Variants in ADGRE3 observed in about 807,000 individuals in gnomAD.
ADGRE3 encodes the protein EGF-like module receptor 3.
Under a neutral mutation model 80.1 loss-of-function variants are expected in ADGRE3, and 88 were observed. That is an observed-to-expected ratio of 1.10 (90% CI 0.93 to 1.31). The LOEUF is 1.31. Ranked by LOEUF, ADGRE3 falls within the 40% of genes most tolerant of loss-of-function variation. ADGRE3 has a pLI of 0.00. For missense variants in ADGRE3, 715 were observed against 776.5 expected, an observed-to-expected ratio of 0.92 and a Z score of 0.94; for synonymous variants, 281 against 294.8, an observed-to-expected ratio of 0.95 and a Z score of 0.48.
At chr19:14,620,540 T>TG (rs1568471393) in intron 15 of ADGRE3, among the ~76,000 whole-genome samples, 32 of 16,180 alleles carry the variant, frequency 2.0e-3, no homozygotes, top group African/African-American at 2.9e-3. Flanking sequence ...ATATATTTTA[T>TG]ATATATATTA....
At position 14,673,266 on chromosome 19, in the gene ADGRE3, C is replaced by T. The variant is rs529307882; in HGVS notation, c.25+1480G>A. ...AAATTCACAGAACCTCTCTATGATGCAATTTCTTATCTGTAATGTGCAGAT... is the reference window on the plus strand; with the variant it reads ...AAATTCACAGAACCTCTCTATGATGTAATTTCTTATCTGTAATGTGCAGAT... On this transcript the variant is annotated intron_variant, in intron 1 of 15. Coordinates refer to ENST00000253673, the MANE Select transcript of ADGRE3 (RefSeq NM_032571.5). 3.9e-4 allele frequency among the ~76,000 whole-genome samples: 59 copies of T among 152,326 alleles called. 1 individual carries two copies. The highest frequency in any genetic ancestry group is 1.4e-3 in the African/African-American group (57 of 41,568).
chr19:14,638,907 A>G (rs1378627734), intron 10 of ADGRE3, among the ~76,000 whole-genome samples: 1 of 152,050 alleles, frequency 6.6e-6, no homozygotes, highest in East Asian at 1.9e-4. Context: ...ATTTTGTTCT[A>G]TTTTATTTCT....
the ADGRE3 span, among the ~76,000 whole-genome samples, chr19:14,604,366 A>AT: frequency 1.3e-5 from 2 of 150,960 alleles, no homozygotes; most frequent in African/African-American, 4.9e-5. Context: ...ACCTCCCCAC[A>AT]TTTTTTTTTC....
In ADGRE3 at chr19:14,668,668, A is replaced by G. The variant is rs1972169795; in HGVS notation, c.76+134T>C. On this transcript the variant is annotated intron_variant, in intron 2 of 15. Coordinates refer to ENST00000253673, the MANE Select transcript of ADGRE3 (RefSeq NM_032571.5). ...TAATGATAAATTAAGCAAACAAATA[A>G]TGAAACACAGGAGCAAGCCTTCCCA... 7 of 613,720 alleles carry G rather than the reference A, an allele frequency of 1.1e-5. No individual in the cohort carries two copies. In the East Asian group the frequency reaches 1.9e-4, roughly 17 times the overall value. 38.0% of individuals were successfully genotyped at this position (613,720 alleles called of 1,614,324 possible).
the ADGRE3 span, among the ~76,000 whole-genome samples, chr19:14,603,634 A>AT: frequency 0.013 from 1,869 of 145,944 alleles, 33 homozygotes; most frequent in African/African-American, 0.043. Flanking sequence ...TAAGTTTTGT[A>AT]TTTTTTTTTT....
chr19:14,612,932 T>A, the ADGRE3 span, among the ~76,000 whole-genome samples: 1 of 150,588 alleles, frequency 6.6e-6, no homozygotes, highest in African/African-American at 2.5e-5. Context: ...TCAATTTATT[T>A]TTTTTTTTTT....
intron 6 of ADGRE3, among the ~76,000 whole-genome samples, chr19:14,652,605 T>C (rs373525502): frequency 7.4e-4 from 112 of 151,456 alleles, no homozygotes; most frequent in African/African-American, 2.6e-3. Context: ...CATGGTGAAA[T>C]CCCATTCTAC....
rs539415859 is a variant in ADGRE3, at chr19:14,648,064, A to G, written c.698-699T>C. 5.0e-5 allele frequency among the ~76,000 whole-genome samples: 7 copies of G among 140,784 alleles called. No homozygotes were observed. In the East Asian group the frequency reaches 1.3e-3, roughly 27 times the overall value. The allele number at this position is 140,784 out of a possible 152,430, so 92.4% of individuals were successfully genotyped here. A position where few individuals can be genotyped will look rare whatever the true frequency, so the allele number is the denominator to read the frequency against. ...GCCACTGCACTCCAGTCTGGGTGAC[A>G]GAGTGAGACTCCATCTCAAAGACAA... is the stretch of plus-strand genomic sequence containing the variant. On this transcript the variant is annotated intron_variant, in intron 7 of 15. Transcript: ENST00000253673.
intron 2 of ADGRE3, among the ~76,000 whole-genome samples, chr19:14,665,344 T>A (rs1192648605): frequency 6.6e-6 from 1 of 152,042 alleles, no homozygotes; most frequent in Non-Finnish European, 1.5e-5. Context: ...ATTACAGGCG[T>A]GAGCTACTGC....
At chr19:14,641,680 G>A in intron 9 of ADGRE3, 64 bp from the exon 10 acceptor site, 1 of 1,574,126 alleles carries the variant, frequency 6.4e-7, no homozygotes, top group Non-Finnish European at 8.6e-7. Flanking sequence ...CTCCCTCCTT[G>A]AACTGGGGCA....
chr19:14,646,148 G>A (rs1473274440), intron 8 of ADGRE3, among the ~76,000 whole-genome samples: 1 of 151,904 alleles, frequency 6.6e-6, no homozygotes, highest in Non-Finnish European at 1.5e-5. Context: ...TTCTGAGACG[G>A]AGTCTGACTC....
chr19:14,671,444 C>T (rs1443303163), intron 1 of ADGRE3, among the ~76,000 whole-genome samples: 1 of 152,118 alleles, frequency 6.6e-6, no homozygotes, highest in African/African-American at 2.4e-5. Flanking sequence ...TGATCTTCCA[C>T]CTCCCTCTTA....
intron 4 of ADGRE3, among the ~76,000 whole-genome samples, chr19:14,660,438 G>A (rs1164019261): frequency 6.6e-6 from 1 of 152,028 alleles, no homozygotes; most frequent in Non-Finnish European, 1.5e-5. Context: ...ATCAGCCTGG[G>A]CGACATAGTG....
intron 15 of ADGRE3, chr19:14,621,738 C>T: frequency 9.6e-7 from 1 of 1,036,406 alleles, no homozygotes; most frequent in Non-Finnish European, 1.3e-6. Context: ...TCAAATTTAG[C>T]AAACTCCCTT....
chr19:14,663,771 G>A (rs529679324), intron 2 of ADGRE3, among the ~76,000 whole-genome samples: 1 of 151,666 alleles, frequency 6.6e-6, no homozygotes, highest in South Asian at 2.1e-4. Flanking sequence ...CCTGTGAGGC[G>A]GAGATTGCAG....
At chr19:14,600,146 C>T in the ADGRE3 span, 1 of 1,613,948 alleles carries the variant, frequency 6.2e-7, no homozygotes, top group South Asian at 1.1e-5. Context: ...AGGAGAATTA[C>T]TCTCACTTGG....
rs1322348795 is a variant in ADGRE3, at chr19:14,647,452, G to A, written c.698-87C>T. On this transcript the variant is annotated intron_variant, in intron 7 of 15. Coordinates refer to ENST00000253673, the MANE Select transcript of ADGRE3 (RefSeq NM_032571.5). ...TTTGAGACGGAGTCTCGCTCTTGTC[G>A]CCCAGCCAGGCTGGAGTGCAGTGGC... The A allele has an allele frequency of 3.2e-5, 35 of 1,092,334 alleles. 1 individual carries two copies. The highest frequency in any genetic ancestry group is 9.7e-5 in the Admixed American group (3 of 30,888). 67.7% of individuals were successfully genotyped at this position (1,092,334 alleles called of 1,614,324 possible). A position where few individuals can be genotyped will look rare whatever the true frequency, so the allele number is the denominator to read the frequency against.
chr19:14,605,766 G>T, the ADGRE3 span, among the ~76,000 whole-genome samples: 1 of 151,716 alleles, frequency 6.6e-6, no homozygotes, highest in African/African-American at 2.4e-5. Context: ...CGGGACAGAG[G>T]CTTGCTCTGC....
At chr19:14,665,301 G>A (rs903213984) in intron 2 of ADGRE3, among the ~76,000 whole-genome samples, 2 of 151,800 alleles carry the variant, frequency 1.3e-5, no homozygotes, top group African/African-American at 4.8e-5. Flanking sequence ...CTGACCTCGT[G>A]ATCCGCCTGC....
Sources: allele counts gnomAD v4.1 joint callset (sites outside exome capture counted in the v4.1 genomes callset), GRCh38; gene constraint gnomAD v4.1.1; transcripts MANE v1.5; gene names NCBI Gene and HGNC (gene_info 2026-07-23, HGNC 2026-07-21).